RERE: variants seen among roughly 807,000 people sequenced by gnomAD.
The protein encoded by RERE is arginine-glutamic acid dipeptide repeats.
A neutral mutation model predicts 146.1 loss-of-function variants in RERE; 40 were observed. The ratio of observed to expected loss-of-function variants is 0.27; its 90% confidence interval spans 0.21 to 0.36. The LOEUF (loss-of-function observed/expected upper bound fraction) is 0.36, where lower values mean the gene tolerates loss of function less well. Among genes scored for constraint, RERE ranks in the 10% least tolerant of loss-of-function variants. RERE has a pLI of 1.00. For missense variants in RERE, 1,933 were observed against 2,138.7 expected (o/e 0.90, Z 1.90); for synonymous variants, 1,003 against 866.0 (o/e 1.16, Z -2.78).
intron 2 of RERE, among the ~76,000 whole-genome samples, chr1:8,653,951 A>T (rs1647777970): frequency 6.6e-6 from 1 of 151,910 alleles, no homozygotes; most frequent in African/African-American, 2.4e-5. Flanking sequence ...TATCACACAA[A>T]TACCTTCTCA....
In RERE at chr1:8,583,191, T is replaced by C. The variant is rs997679560; in HGVS notation, c.523-25668A>G. Among the ~76,000 whole-genome samples, 6 of 152,200 alleles carry C rather than the reference T, an allele frequency of 3.9e-5. No individual in the cohort carries two copies. The South Asian group carries it at 8.3e-4, about 21-fold the overall frequency. On this transcript the variant is annotated intron_variant, in intron 4 of 22. Coordinates refer to ENST00000400908, the MANE Select transcript of RERE (RefSeq NM_001042681.2). ...CATACTAGAAGTACTAGAAGGATGG[T>C]AGCATTGGCAGCATAGTTTACAAAT...
At chr1:8,500,308 T>A (rs1645113211) in intron 8 of RERE, among the ~76,000 whole-genome samples, 1 of 152,172 alleles carries the variant, frequency 6.6e-6, no homozygotes, top group African/African-American at 2.4e-5. Context: ...CTCCCCCCCA[T>A]TCTTGAGAAA....
At chr1:8,494,948 A>T in intron 10 of RERE, 115 bp downstream of exon 10, 1 of 750,804 alleles carries the variant, frequency 1.3e-6, no homozygotes, top group Non-Finnish European at 2.4e-6. Flanking sequence ...CAAGACCACA[A>T]CTCACTCCTG....
chr1:8,711,424 C>G (rs1280609655), intron 1 of RERE, among the ~76,000 whole-genome samples: 1 of 152,106 alleles, frequency 6.6e-6, no homozygotes, highest in Non-Finnish European at 1.5e-5. Flanking sequence ...AGACAGAGAG[C>G]AAGACCTCTT....
intron 12 of RERE, among the ~76,000 whole-genome samples, chr1:8,413,468 G>A (rs1484041021): frequency 6.6e-6 from 1 of 150,540 alleles, no homozygotes; most frequent in African/African-American, 2.4e-5. Context: ...TCAGCCTCCC[G>A]AGTAGCTGTA....
intron 2 of RERE, among the ~76,000 whole-genome samples, chr1:8,634,934 A>C (rs1647078848): frequency 1.3e-5 from 2 of 152,060 alleles, no homozygotes; most frequent in Admixed American, 1.3e-4. Flanking sequence ...ATGAGGTTTC[A>C]CTGTGTTAGC....
chr1:8,705,217 G>A (rs1450290925), intron 1 of RERE, among the ~76,000 whole-genome samples: 1 of 152,202 alleles, frequency 6.6e-6, no homozygotes, highest in Non-Finnish European at 1.5e-5. Flanking sequence ...ACTGTACCTA[G>A]TCTCTCAGGG....
chr1:8,809,052 G>T (rs1279491190), intron 1 of RERE, among the ~76,000 whole-genome samples: 2 of 151,182 alleles, frequency 1.3e-5, no homozygotes, highest in Non-Finnish European at 2.9e-5. Flanking sequence ...GCAGGAAAAT[G>T]GTGTGAACCC....
chr1:8,438,544 T>C (rs890340329), intron 11 of RERE, among the ~76,000 whole-genome samples: 6 of 152,106 alleles, frequency 3.9e-5, no homozygotes, highest in Admixed American at 2.0e-4. Context: ...TTTTGAAAAA[T>C]AGGGAAAAGA....
chr1:8,712,172 G>C (rs999279304), intron 1 of RERE, among the ~76,000 whole-genome samples: 5 of 152,190 alleles, frequency 3.3e-5, no homozygotes, highest in Non-Finnish European at 7.3e-5. Flanking sequence ...ACAGATTCGA[G>C]AATGTTTGAT....
At chr1:8,678,486 T>C (rs1178961690) in intron 1 of RERE, among the ~76,000 whole-genome samples, 1 of 114,066 alleles carries the variant, frequency 8.8e-6, no homozygotes, top group East Asian at 2.2e-4. Flanking sequence ...CTACTAAAAA[T>C]ACAAAAAAAA....
At chr1:8,492,812 A>C (rs926848728) in intron 10 of RERE, among the ~76,000 whole-genome samples, 1 of 152,220 alleles carries the variant, frequency 6.6e-6, no homozygotes, top group Non-Finnish European at 1.5e-5. Flanking sequence ...TGGGAAGCTA[A>C]GGTGGGAGAA....
intron 11 of RERE, among the ~76,000 whole-genome samples, chr1:8,430,785 G>A (rs1479145595): frequency 6.6e-6 from 1 of 152,234 alleles, no homozygotes; most frequent in Non-Finnish European, 1.5e-5. Flanking sequence ...TCCAAGGTAA[G>A]TGTAACCGGG....
At chr1:8,565,518 C>A (rs974004955) in intron 4 of RERE, among the ~76,000 whole-genome samples, 1 of 152,076 alleles carries the variant, frequency 6.6e-6, no homozygotes. Flanking sequence ...ACCAGCCTGG[C>A]CAACATGGTG....
At chr1:8,794,775 G>A (rs914470892) in intron 1 of RERE, among the ~76,000 whole-genome samples, 2 of 151,910 alleles carry the variant, frequency 1.3e-5, no homozygotes, top group Admixed American at 1.3e-4. Context: ...GGCCAGGTGT[G>A]GTGACATGCA....
chr1:8,683,772 ATC>A (rs1639027568), intron 1 of RERE, among the ~76,000 whole-genome samples: 1 of 152,102 alleles, frequency 6.6e-6, no homozygotes, highest in East Asian at 1.9e-4. Context: ...GCAAAACCCC[ATC>A]TCTACTAAAA....
At chr1:8,633,297 C>G (rs1278519919) in intron 2 of RERE, among the ~76,000 whole-genome samples, 1 of 152,174 alleles carries the variant, frequency 6.6e-6, no homozygotes, top group Non-Finnish European at 1.5e-5. Flanking sequence ...GTGGCAGGCA[C>G]CTGCAGTCCC....
chr1:8,693,140 T>C (rs901291270), intron 1 of RERE, among the ~76,000 whole-genome samples: 3 of 152,156 alleles, frequency 2.0e-5, no homozygotes, highest in Non-Finnish European at 2.9e-5. Context: ...ATTCATTGCT[T>C]GTGGGAATGC....
intron 1 of RERE, among the ~76,000 whole-genome samples, chr1:8,783,104 C>T (rs1641195358): frequency 6.6e-6 from 1 of 152,016 alleles, no homozygotes; most frequent in Admixed American, 6.6e-5. Context: ...GAGGGCGAGA[C>T]AAGAGGATCA....
Sources: gnomAD v4.1 joint callset for allele counts (sites outside exome capture counted in the v4.1 genomes callset) on GRCh38, gnomAD v4.1.1 for gene constraint, MANE v1.5 for transcripts, NCBI Gene and HGNC (gene_info 2026-07-23, HGNC 2026-07-21) for gene names.